Variants in ABCB11 observed in about 807,000 individuals in gnomAD.
ABCB11 encodes the protein ATP binding cassette subfamily B member 11, also known as bile salt export pump.
In ABCB11, 95 loss-of-function variants were observed where a neutral mutation model predicts 148.0. The observed-to-expected ratio is 0.64, with a 90% confidence interval of 0.54 to 0.76. The LOEUF is 0.76. Ranked by LOEUF, ABCB11 falls within the 30% of genes least tolerant of loss-of-function variation. The probability of loss-of-function intolerance (pLI) is 0.00; values close to 1 mark genes in which losing one functional copy is unlikely to be tolerated. For synonymous variants in ABCB11, 591 were observed against 555.4 expected, an observed-to-expected ratio of 1.06 and a Z score of -0.90; for missense variants, 1,523 against 1,617.8, an observed-to-expected ratio of 0.94 and a Z score of 1.01.
intron 1 of ABCB11, 111 bp from the exon 2 acceptor site, chr2:169,018,263 A>C: frequency 1.1e-6 from 1 of 949,884 alleles, no homozygotes. Flanking sequence ...TTACTAATCA[A>C]TCTCAGACAA....
intron 23 of ABCB11, among the ~76,000 whole-genome samples, chr2:168,933,086 G>A (rs1361173706): frequency 4.1e-5 from 6 of 145,974 alleles, no homozygotes; most frequent in Admixed American, 2.8e-4. Flanking sequence ...TCCAGCCTGG[G>A]TGACAGAGCA....
chr2:169,019,961 CAGA>C (rs1261768849), intron 1 of ABCB11, among the ~76,000 whole-genome samples: 1 of 152,096 alleles, frequency 6.6e-6, no homozygotes. Flanking sequence ...GTGCCTTAGC[CAGA>C]AGGAGTATCC....
chr2:168,920,478 A>G (rs968149679), downstream of ABCB11, among the ~76,000 whole-genome samples: 6 of 151,272 alleles, frequency 4.0e-5, no homozygotes, highest in African/African-American at 1.5e-4. Flanking sequence ...ATTTTTTCCT[A>G]CTTTTCATCT....
Position 169,004,670 on chromosome 2 carries a change from C to A in ABCB11, c.390-7948G>T, listed in dbSNP as rs114702759. ...TCAACCTTCTAAAGTCTTTTTCTGG[C>A]AATTCAGAGATTTCATCTTGGTTTA... is the stretch of plus-strand genomic sequence containing the variant. On this transcript the variant is annotated intron_variant, in intron 5 of 27. Transcript: ENST00000650372. 3.7e-3 allele frequency among the ~76,000 whole-genome samples: 566 copies of A among 152,246 alleles called. 2 individuals carry two copies. The highest frequency in any genetic ancestry group is 0.017 in the Middle Eastern group (5 of 294).
intron 5 of ABCB11, among the ~76,000 whole-genome samples, chr2:169,012,684 G>A (rs1490331081): frequency 2.0e-5 from 3 of 149,332 alleles, no homozygotes; most frequent in Non-Finnish European, 4.4e-5. Context: ...AGGCTGCAGT[G>A]AGCCAAGATC....
At chr2:169,013,799 C>T (rs35032329) in intron 4 of ABCB11, among the ~76,000 whole-genome samples, 2 of 152,136 alleles carry the variant, frequency 1.3e-5, no homozygotes, top group Non-Finnish European at 2.9e-5. Flanking sequence ...TTTAGCTACT[C>T]ATCTACAACT....
At chr2:168,968,363 G>A in intron 17 of ABCB11, 64 bp downstream of exon 17, 1 of 1,434,618 alleles carries the variant, frequency 7.0e-7, no homozygotes, top group Non-Finnish European at 9.7e-7. Flanking sequence ...CTGAGGATTA[G>A]GACTACAGAG....
chr2:168,917,024 A>C (rs1690953857), downstream of ABCB11, among the ~76,000 whole-genome samples: 1 of 152,202 alleles, frequency 6.6e-6, no homozygotes. Context: ...TGTATTTTAC[A>C]CTTTCAGAAT....
At chr2:168,928,635 G>A (rs978287620) in intron 25 of ABCB11, among the ~76,000 whole-genome samples, 1 of 152,162 alleles carries the variant, frequency 6.6e-6, no homozygotes, top group African/African-American at 2.4e-5. Flanking sequence ...CATATTCAGA[G>A]AAATATACTT....
In ABCB11 at chr2:168,922,268, C is replaced by G. The variant is rs1691103326; in HGVS notation, c.*1354G>C. Among the ~76,000 whole-genome samples the G allele has an allele frequency of 6.6e-6, 1 of 152,170 alleles. No homozygotes were observed. The highest frequency in any genetic ancestry group is 1.5e-5 in the Non-Finnish European group (1 of 68,028). Reference sequence around the variant, plus strand: ...AGCTTTACATTCAATCCCCCTGTCTCTTGTATGTTAGCTGCCCCTTCAACT... The same window carrying G: ...AGCTTTACATTCAATCCCCCTGTCTGTTGTATGTTAGCTGCCCCTTCAACT... On this transcript the variant is annotated 3_prime_UTR_variant, in exon 28 of 28. Transcript: ENST00000650372.
Position 169,018,141 on chromosome 2 carries a change from C to G in ABCB11, c.-16G>C, listed in dbSNP as rs759517677. 2.5e-6 allele frequency: 4 copies of G among 1,612,072 alleles called. No homozygotes were observed. In the Admixed American group the frequency reaches 6.7e-5, roughly 27 times the overall value. ...AGTCAGACATGGTAATTGCAACCCA[C>G]AGCCAACGACCCTATAAAATAAAAT... On this transcript the variant is annotated 5_prime_UTR_variant, in exon 2 of 28. Coordinates refer to ENST00000650372, the MANE Select transcript of ABCB11 (RefSeq NM_003742.4).
At chr2:168,989,801 G>C (rs368569975) in intron 9 of ABCB11, among the ~76,000 whole-genome samples, 3 of 151,952 alleles carry the variant, frequency 2.0e-5, no homozygotes, top group African/African-American at 7.2e-5. Context: ...CTAATTTGTT[G>C]AGAGTTTCTG....
At chr2:168,930,923 C>T in intron 24 of ABCB11, 61 bp from the exon 25 acceptor site, 1 of 1,426,436 alleles carries the variant, frequency 7.0e-7, no homozygotes, top group Non-Finnish European at 9.5e-7. Flanking sequence ...ATTGAAAACA[C>T]ACCTAAATCT....
At chr2:169,025,886 AT>A (rs1384103944) in intron 1 of ABCB11, among the ~76,000 whole-genome samples, 1 of 152,190 alleles carries the variant, frequency 6.6e-6, no homozygotes, top group African/African-American at 2.4e-5. Context: ...TCTCAGTAAA[AT>A]GGTGTTAGAA....
At chr2:169,003,688 G>A (rs961287491) in intron 5 of ABCB11, among the ~76,000 whole-genome samples, 1 of 152,078 alleles carries the variant, frequency 6.6e-6, no homozygotes, top group Non-Finnish European at 1.5e-5. Flanking sequence ...CATAGTGGTT[G>A]TACTAGTTTA....
chr2:168,949,729 G>A (rs1294129563), intron 19 of ABCB11, among the ~76,000 whole-genome samples: 1 of 151,502 alleles, frequency 6.6e-6, no homozygotes, highest in East Asian at 1.9e-4. Context: ...CTAATACTGA[G>A]TGACAACTTG....
chr2:168,931,315 G>A (rs1691558441), intron 24 of ABCB11, among the ~76,000 whole-genome samples: 2 of 152,156 alleles, frequency 1.3e-5, no homozygotes, highest in Admixed American at 1.3e-4. Flanking sequence ...GTACTTTGGT[G>A]TGCTTAAAAC....
intron 8 of ABCB11, among the ~76,000 whole-genome samples, chr2:168,991,425 C>T (rs1694517832): frequency 6.6e-6 from 1 of 152,070 alleles, no homozygotes; most frequent in Non-Finnish European, 1.5e-5. Context: ...GTTGGAGACG[C>T]TCAACTATGT....
At chr2:169,030,568 A>G (rs1168167683) in intron 1 of ABCB11, among the ~76,000 whole-genome samples, 2 of 152,240 alleles carry the variant, frequency 1.3e-5, no homozygotes. Context: ...ACTGTCTTTT[A>G]TTCCCAGTCT....
Sources: allele counts gnomAD v4.1 joint callset (sites outside exome capture counted in the v4.1 genomes callset), GRCh38; gene constraint gnomAD v4.1.1; transcripts MANE v1.5; gene names NCBI Gene and HGNC (gene_info 2026-07-23, HGNC 2026-07-21).